PARVB: variants seen among roughly 807,000 people sequenced by gnomAD.
PARVB encodes parvin beta, also known as beta-parvin.
A neutral mutation model predicts 47.0 loss-of-function variants in PARVB; 46 were observed. The observed-to-expected ratio is 0.98, with a 90% CI of 0.77 to 1.25. The LOEUF (loss-of-function observed/expected upper bound fraction) is 1.25. Ranked by LOEUF, PARVB falls within the 50% of genes most tolerant of loss-of-function variation. The probability of loss-of-function intolerance (pLI) is 0.00; values close to 1 mark genes in which losing one functional copy is unlikely to be tolerated. For synonymous variants in PARVB, 196 were observed against 196.3 expected, an observed-to-expected ratio of 1.00 and a Z score of 0.01; for missense variants, 473 against 471.6, an observed-to-expected ratio of 1.00 and a Z score of -0.03.
At chr22:44,146,417 A>G (rs1262419877) in intron 8 of PARVB, 1 of 146,734 alleles carries the variant, frequency 6.8e-6, no homozygotes, top group Non-Finnish European at 1.5e-5. Context: ...ACGTGCCCAC[A>G]ATGCACACAC....
chr22:44,164,409 T>TCCCCC lies in PARVB; in HGVS notation c.1018+484_1018+488dup, dbSNP rs139083. On this transcript the variant is annotated intron_variant, in intron 12 of 12. Coordinates refer to ENST00000338758, the MANE Select transcript of PARVB (RefSeq NM_013327.5). ...GCTGGGGCGGGCGGTTGCTTCCCTG[T>TCCCCC]CCCCCCCCCGGCTCCTGTGCCAAGT... Among the ~76,000 whole-genome samples the TCCCCC allele has an allele frequency of 7.0e-5, 10 of 142,300 alleles. 1 individual carries two copies. In the South Asian group the frequency reaches 8.9e-4, roughly 13 times the overall value. 93.4% of individuals were successfully genotyped at this position (142,300 alleles called of 152,430 possible). A position where few individuals can be genotyped will look rare whatever the true frequency, so the allele number is the denominator to read the frequency against.
At chr22:44,059,039 C>CTTTTTT (rs11296450) in intron 1 of PARVB, among the ~76,000 whole-genome samples, 2 of 73,070 alleles carry the variant, frequency 2.7e-5, no homozygotes, top group Admixed American at 1.7e-4. Context: ...CACCCTGTGG[C>CTTTTTT]TTTTTTTTTT....
intron 4 of PARVB, among the ~76,000 whole-genome samples, chr22:44,130,016 T>C (rs780802156): frequency 1.3e-5 from 2 of 152,168 alleles, no homozygotes; most frequent in Non-Finnish European, 2.9e-5. Flanking sequence ...TGTTTTCTAA[T>C]TGAGGGAGGG....
rs187045784 is a variant in PARVB, at chr22:44,046,344, C to T, written c.112+21893C>T. On this transcript the variant is annotated intron_variant, in intron 1 of 12. Coordinates refer to ENST00000338758, the MANE Select transcript of PARVB (RefSeq NM_013327.5). ...GACCCTTAGCACAACAGAGCTGCTC[C>T]TTGGTGCTAGGAGATGCGTCCTGAG... 2.0e-5 allele frequency among the ~76,000 whole-genome samples: 3 copies of T among 152,334 alleles called. No homozygotes were observed. The East Asian group carries it at 5.8e-4, about 29-fold the overall frequency.
rs995752367 is a variant in PARVB at position 44,049,986 on chromosome 22, G to A, written c.112+25535G>A. 9.2e-5 allele frequency among the ~76,000 whole-genome samples: 14 copies of A among 152,208 alleles called. No individual in the cohort carries two copies. Among genetic ancestry groups the A allele is most frequent in the Admixed American group, 6.5e-4 (10 of 15,280 alleles). On this transcript the variant is annotated intron_variant, in intron 1 of 12. Coordinates refer to ENST00000338758, the MANE Select transcript of PARVB (RefSeq NM_013327.5). This position sits in a 1 kb window ranked among gnomAD's most constrained non-coding sequence, Gnocchi z 4.0. ...TTCCATATTGTGGGCATGTGGCTGC[G>A]GAAATGTGCCTGCACCTGGACTCGC...
intron 1 of PARVB, chr22:44,069,303 G>C: frequency 1.3e-6 from 1 of 761,936 alleles, no homozygotes; most frequent in Non-Finnish European, 2.3e-6. Context: ...GGAAGGTGAT[G>C]GGGACGTTGG....
intron 1 of PARVB, among the ~76,000 whole-genome samples, chr22:44,084,925 CT>C (rs1388522264): frequency 6.6e-6 from 1 of 152,192 alleles, no homozygotes; most frequent in African/African-American, 2.4e-5. Context: ...ATTCTTGTAG[CT>C]TTATTTTTAT....
intron 2 of PARVB, among the ~76,000 whole-genome samples, chr22:44,096,562 G>A (rs2052312641): frequency 6.6e-6 from 1 of 152,190 alleles, no homozygotes. Flanking sequence ...TCCCTTCAGT[G>A]ACCCTGTGAG....
chr22:44,168,542 T>G (rs2054223984), intron 12 of PARVB, 60 bp from the exon 13 acceptor site: 4 of 1,114,744 alleles, frequency 3.6e-6, no homozygotes, highest in African/African-American at 1.5e-5. Context: ...CTTCTGAGAG[T>G]ACCTACCGCA....
intron 1 of PARVB, among the ~76,000 whole-genome samples, chr22:44,063,341 C>G (rs2051455692): frequency 6.6e-6 from 1 of 151,938 alleles, no homozygotes; most frequent in Non-Finnish European, 1.5e-5. Context: ...ATTCTCCTGC[C>G]TCAGCCTCCT....
intron 3 of PARVB, chr22:44,110,286 G>GA (rs1344507446): frequency 6.6e-6 from 1 of 152,230 alleles, no homozygotes; most frequent in African/African-American, 2.4e-5. Flanking sequence ...CCTGATAAGT[G>GA]AAAATGAGAT....
chr22:44,062,118 C>T (rs1038951206), intron 1 of PARVB, among the ~76,000 whole-genome samples: 4 of 152,204 alleles, frequency 2.6e-5, no homozygotes, highest in African/African-American at 9.7e-5. Context: ...ACATACTGCC[C>T]AGGGTAAGAC....
At chr22:44,118,410 G>A (rs1420036306) in intron 3 of PARVB, among the ~76,000 whole-genome samples, 1 of 152,198 alleles carries the variant, frequency 6.6e-6, no homozygotes, top group African/African-American at 2.4e-5. Context: ...GAATTGTGTG[G>A]AGTGAGAATT....
At chr22:44,043,177 T>G (rs1320245995) in intron 1 of PARVB, among the ~76,000 whole-genome samples, 2 of 152,222 alleles carry the variant, frequency 1.3e-5, no homozygotes, top group Non-Finnish European at 2.9e-5. Context: ...GTGATTCCAT[T>G]TATTTGAATA....
At chr22:44,075,128 G>A (rs1358946493) in intron 1 of PARVB, among the ~76,000 whole-genome samples, 1 of 152,168 alleles carries the variant, frequency 6.6e-6, no homozygotes, top group African/African-American at 2.4e-5. Flanking sequence ...CCCCAGTTGA[G>A]ATCCGCTGAG....
intron 1 of PARVB, among the ~76,000 whole-genome samples, chr22:44,025,409 C>T (rs1017511500): frequency 5.3e-5 from 8 of 152,144 alleles, no homozygotes; most frequent in Non-Finnish European, 1.0e-4. Context: ...GATGTGTGTG[C>T]CCCGGGAAGA....
At chr22:44,015,378 C>T (rs1031129930) in intron 2 of PARVB, among the ~76,000 whole-genome samples, 3 of 152,156 alleles carry the variant, frequency 2.0e-5, no homozygotes, top group African/African-American at 7.2e-5. Flanking sequence ...TGGGTGAATG[C>T]AGACAGCTGT....
chr22:44,066,555 C>G (rs2051527241), intron 1 of PARVB, among the ~76,000 whole-genome samples: 1 of 152,172 alleles, frequency 6.6e-6, no homozygotes, highest in Non-Finnish European at 1.5e-5. Flanking sequence ...CTCACCTTGG[C>G]ACCCCAGGCT....
intron 1 of PARVB, among the ~76,000 whole-genome samples, chr22:44,026,658 C>T (rs2050735011): frequency 6.6e-6 from 1 of 152,184 alleles, no homozygotes; most frequent in Non-Finnish European, 1.5e-5. Context: ...GACTTTGGGC[C>T]GTCAGAGCTA....
Sources: allele counts gnomAD v4.1 joint callset (sites outside exome capture counted in the v4.1 genomes callset), GRCh38; gene constraint gnomAD v4.1.1; non-coding constraint Gnocchi (gnomAD v3.1); transcripts MANE v1.5; gene names NCBI Gene and HGNC (gene_info 2026-07-23, HGNC 2026-07-21).